The following PKHD1 variants were observed in gnomAD, a reference collection of about 807,000 sequenced individuals.
The protein encoded by PKHD1 is PKHD1 ciliary IPT domain containing fibrocystin/polyductin.
PKHD1 carries 291 observed loss-of-function variants against 412.0 expected under a neutral mutation model. That is an observed-to-expected ratio of 0.71 (90% CI 0.64 to 0.78). PKHD1 has a LOEUF of 0.78. Among genes scored for constraint, PKHD1 ranks in the 30% least tolerant of loss-of-function variants. The pLI, the probability that PKHD1 is intolerant of heterozygous loss-of-function variation, is 0.00. For missense variants in PKHD1, 4,825 were observed against 4,950.7 expected (o/e 0.97, Z 0.76); for synonymous variants, 1,777 against 1,821.5 (o/e 0.98, Z 0.62).
intron 60 of PKHD1, among the ~76,000 whole-genome samples, chr6:51,661,242 A>C (rs1410519271): frequency 6.6e-6 from 1 of 152,116 alleles, no homozygotes; most frequent in Admixed American, 6.6e-5. Context: ...ATATAGATAC[A>C]GATATAGATT....
chr6:51,693,491 G>A (rs12203695), intron 60 of PKHD1, among the ~76,000 whole-genome samples: 23,172 of 152,136 alleles, frequency 0.15, 2,185 homozygotes, highest in Non-Finnish European at 0.22. Context: ...AAAGATTGTA[G>A]CAAATCTAAT....
At chr6:51,762,373 G>A (rs1788160014) in intron 55 of PKHD1, among the ~76,000 whole-genome samples, 1 of 151,988 alleles carries the variant, frequency 6.6e-6, no homozygotes, top group African/African-American at 2.4e-5. Context: ...TTTGTAATGG[G>A]TAAAAGCAAT....
intron 66 of PKHD1, among the ~76,000 whole-genome samples, chr6:51,620,500 ATAC>A (rs1465862593): frequency 6.6e-6 from 1 of 152,106 alleles, no homozygotes. Flanking sequence ...GTAGATGGTA[ATAC>A]TGTCATCTAC....
intron 35 of PKHD1, among the ~76,000 whole-genome samples, chr6:52,007,229 A>G (rs1484671687): frequency 6.6e-6 from 1 of 152,226 alleles, no homozygotes; most frequent in African/African-American, 2.4e-5. Context: ...GCTGGATCAA[A>G]TGGTAGTCTA....
chr6:51,888,170 A>G (rs753789641), intron 43 of PKHD1, among the ~76,000 whole-genome samples: 1 of 152,242 alleles, frequency 6.6e-6, no homozygotes, highest in African/African-American at 2.4e-5. Flanking sequence ...CTACAACTCA[A>G]ATCTCTTCAA....
rs554673989 is a variant in PKHD1, at chr6:51,955,208, A to T, written c.5908+4662T>A. 1.4e-3 allele frequency among the ~76,000 whole-genome samples: 215 copies of T among 148,610 alleles called. 2 individuals carry two copies. Among genetic ancestry groups the T allele is most frequent in the African/African-American group, 4.7e-3 (185 of 39,120 alleles). ...TGCCCCTAAAAAATATTTTTTTTTT[A>T]AAAAAGGGAGGGAGGGCAGGAAGGA... On this transcript the variant is annotated intron_variant, in intron 36 of 66. Transcript: ENST00000371117.
intron 35 of PKHD1, among the ~76,000 whole-genome samples, chr6:52,007,153 C>T (rs770114070): frequency 6.6e-5 from 10 of 152,126 alleles, no homozygotes; most frequent in African/African-American, 1.4e-4. Context: ...TATAAACATG[C>T]GTGTGCAAGT....
Position 51,674,382 on chromosome 6 carries a change from C to A in PKHD1, c.10157-14413G>T, listed in dbSNP as rs138833677. Reference sequence around the variant, plus strand: ...CTTCACTACAAAGATGCCCTCAAGACATAAGGTTGGTGGTCCTTCCTTCCT... The same window carrying A: ...CTTCACTACAAAGATGCCCTCAAGAAATAAGGTTGGTGGTCCTTCCTTCCT... On this transcript the variant is annotated intron_variant, in intron 60 of 66. Transcript: ENST00000371117. Among the ~76,000 whole-genome samples, 590 of 152,262 alleles carry A rather than the reference C, an allele frequency of 3.9e-3. 10 individuals are homozygous for A. The highest frequency in any genetic ancestry group is 0.014 in the African/African-American group (567 of 41,554).
chr6:51,989,936 GAAGGAAGGAAGA>G (rs1796771714), intron 35 of PKHD1, among the ~76,000 whole-genome samples: 1 of 90,856 alleles, frequency 1.1e-5, no homozygotes, highest in Non-Finnish European at 2.4e-5. Context: ...AGGAAGGAAA[GAAGGAAGGAAGA>G]AAGGAAGGAA....
At chr6:51,984,588 T>C (rs1308770735) in intron 35 of PKHD1, among the ~76,000 whole-genome samples, 2 of 152,212 alleles carry the variant, frequency 1.3e-5, no homozygotes, top group East Asian at 1.9e-4. Context: ...CCTGTACAGA[T>C]TCTTGACCTT....
intron 52 of PKHD1, among the ~76,000 whole-genome samples, chr6:51,824,769 C>CCCA (rs749771531): frequency 2.4e-4 from 36 of 152,114 alleles, no homozygotes; most frequent in Non-Finnish European, 4.4e-4. Flanking sequence ...CTTTCCTCAT[C>CCCA]CCACCATATC....
At chr6:51,807,458 A>ATATAT (rs1554254098) in intron 52 of PKHD1, among the ~76,000 whole-genome samples, 8 of 49,700 alleles carry the variant, frequency 1.6e-4, no homozygotes, top group African/African-American at 4.2e-4. Context: ...AAAAAAAAAA[A>ATATAT]ATATATATAT....
At chr6:51,774,883 T>C (rs983952334) in intron 54 of PKHD1, among the ~76,000 whole-genome samples, 77 of 151,890 alleles carry the variant, frequency 5.1e-4, no homozygotes, top group Non-Finnish European at 1.8e-4. Flanking sequence ...ACCAATTTTC[T>C]TTAAAAATGT....
intron 31 of PKHD1, among the ~76,000 whole-genome samples, chr6:52,027,019 T>C (rs1802290694): frequency 6.6e-6 from 1 of 152,232 alleles, no homozygotes; most frequent in Non-Finnish European, 1.5e-5. Context: ...ATTGGTCTAT[T>C]TGTCTTGTTC....
chr6:52,002,436 T>C (rs1798542232), intron 35 of PKHD1, among the ~76,000 whole-genome samples: 1 of 152,156 alleles, frequency 6.6e-6, no homozygotes, highest in Non-Finnish European at 1.5e-5. Flanking sequence ...CTTTCCAGCT[T>C]CTCCTCCCCC....
intron 60 of PKHD1, among the ~76,000 whole-genome samples, chr6:51,685,460 G>C (rs1037349542): frequency 6.6e-6 from 1 of 151,908 alleles, no homozygotes; most frequent in African/African-American, 2.4e-5. Flanking sequence ...TAATTTCTTT[G>C]AGAGCATACT....
At chr6:51,982,625 A>G (rs1333066041) in intron 35 of PKHD1, among the ~76,000 whole-genome samples, 1 of 148,536 alleles carries the variant, frequency 6.7e-6, no homozygotes, top group Non-Finnish European at 1.5e-5. Context: ...GCTCGTCAAG[A>G]GTCATCACCA....
intron 37 of PKHD1, among the ~76,000 whole-genome samples, chr6:51,923,746 GC>G (rs1561891727): frequency 6.6e-6 from 1 of 152,144 alleles, no homozygotes; most frequent in Non-Finnish European, 1.5e-5. Flanking sequence ...TACAAAGAGA[GC>G]TATAAGCCAG....
chr6:51,908,881 A>G (rs1175800319), intron 40 of PKHD1, among the ~76,000 whole-genome samples: 1 of 152,150 alleles, frequency 6.6e-6, no homozygotes, highest in Non-Finnish European at 1.5e-5. Flanking sequence ...ATGTAATGCC[A>G]ATTCACCTGT....
Sources: gnomAD v4.1 joint callset for allele counts (sites outside exome capture counted in the v4.1 genomes callset) on GRCh38, gnomAD v4.1.1 for gene constraint, MANE v1.5 for transcripts, NCBI Gene and HGNC (gene_info 2026-07-23, HGNC 2026-07-21) for gene names.